ATXN10: variants seen among roughly 807,000 people sequenced by gnomAD.
ATXN10 encodes ataxin-10.
ATXN10 carries 28 observed loss-of-function variants against 52.9 expected under a neutral mutation model. The observed-to-expected ratio is 0.53, with a 90% CI of 0.39 to 0.73. The LOEUF is 0.73. Ranked by LOEUF, ATXN10 falls within the 30% of genes least tolerant of loss-of-function variation. The pLI is 0.00. For missense variants in ATXN10, 565 were observed against 577.0 expected, an observed-to-expected ratio of 0.98 and a Z score of 0.21; for synonymous variants, 226 against 221.5, an observed-to-expected ratio of 1.02 and a Z score of -0.18.
rs1927436680 is a variant in ATXN10 at position 45,789,572 on chromosome 22, AG to A, written c.1174-17386del. 6.6e-6 allele frequency among the ~76,000 whole-genome samples: 1 copy of A among 152,212 alleles called. No homozygotes were observed. On this transcript the variant is annotated intron_variant, in intron 9 of 11. Coordinates refer to ENST00000252934, the MANE Select transcript of ATXN10 (RefSeq NM_013236.4). The surrounding 1 kb of genome is among the most constrained non-coding windows in gnomAD (Gnocchi z 4.0). ...ATTGTCACCGCCCTGGGAAGGCGCCAGTGAAGGGCCTGGAAAAGTTAGGGGT... is the reference window on the plus strand; with the variant it reads ...ATTGTCACCGCCCTGGGAAGGCGCCATGAAGGGCCTGGAAAAGTTAGGGGT...
Position 45,712,707 on chromosome 22 carries a change from C to G in ATXN10, c.648-5706C>G, listed in dbSNP as rs553328168. ...TATTTATATATTTTTCAGATTATAA[C>G]TCATTTTCTTCTAGTAGAGGAAGCA... On this transcript the variant is annotated intron_variant, in intron 5 of 11. Transcript: ENST00000252934. The surrounding 1 kb of genome is among the most constrained non-coding windows in gnomAD (Gnocchi z 4.6). 8.5e-5 allele frequency among the ~76,000 whole-genome samples: 13 copies of G among 152,310 alleles called. No individual in the cohort carries two copies. The highest frequency in any genetic ancestry group is 3.1e-4 in the African/African-American group (13 of 41,574).
At chr22:45,813,617 A>G (rs1928360845) in intron 10 of ATXN10, among the ~76,000 whole-genome samples, 1 of 152,152 alleles carries the variant, frequency 6.6e-6, no homozygotes. Context: ...TCCTGTGGCC[A>G]GGCAGACCCA....
At chr22:45,838,225 A>T (rs553784130) in intron 10 of ATXN10, among the ~76,000 whole-genome samples, 23 of 152,146 alleles carry the variant, frequency 1.5e-4, no homozygotes, top group African/African-American at 5.5e-4. Context: ...ATATCTTATC[A>T]CCTTGCTGGT....
rs111922916 is a variant in ATXN10 at position 45,708,914 on chromosome 22, C to T, written c.647+6067C>T. Among the ~76,000 whole-genome samples, 2 of 152,232 alleles carry T rather than the reference C, an allele frequency of 1.3e-5. No homozygotes were observed. The highest frequency in any genetic ancestry group is 4.8e-5 in the African/African-American group (2 of 41,458). On this transcript the variant is annotated intron_variant, in intron 5 of 11. Transcript: ENST00000252934. The surrounding 1 kb of genome is among the most constrained non-coding windows in gnomAD (Gnocchi z 5.3). ...CCTGTCTCCCAAAGTGCTGGGATTA[C>T]AGGCATGAGCCACCGTGCCCACCTA...
chr22:45,716,021 A>G (rs1487557048), intron 5 of ATXN10, among the ~76,000 whole-genome samples: 1 of 152,166 alleles, frequency 6.6e-6, no homozygotes, highest in Non-Finnish European at 1.5e-5. Context: ...GCACTTTGGG[A>G]GTCTGAGAAG....
intron 9 of ATXN10, among the ~76,000 whole-genome samples, chr22:45,746,644 G>A (rs1925738533): frequency 6.6e-6 from 1 of 151,384 alleles, no homozygotes; most frequent in African/African-American, 2.4e-5. Context: ...GCCTATACTA[G>A]CACTGTGTGG....
Position 45,733,469 on chromosome 22 carries a change from T to G in ATXN10, c.894+3879T>G, listed in dbSNP as rs1287095665. 1.3e-5 allele frequency among the ~76,000 whole-genome samples: 2 copies of G among 152,172 alleles called. No individual in the cohort carries two copies. Among genetic ancestry groups the G allele is most frequent in the Admixed American group, 1.3e-4 (2 of 15,278 alleles). ...CAAAGTTTCAGCCAGGCGTGGTGGC[T>G]CATACCTGTAATCCCAGCACTTTAG... On this transcript the variant is annotated intron_variant, in intron 7 of 11. Transcript: ENST00000252934. The surrounding 1 kb of genome is among the most constrained non-coding windows in gnomAD (Gnocchi z 4.4).
In ATXN10 at chr22:45,843,318, C is replaced by A; in HGVS notation, c.1425+140C>A. On this transcript the variant is annotated intron_variant, in intron 11 of 11. Transcript: ENST00000252934. The surrounding 1 kb of genome is among the most constrained non-coding windows in gnomAD (Gnocchi z 4.5). Reference sequence around the variant, plus strand: ...CTCTATAGTGGTTTACCGAGGAAAGCCCTAAAGATAGCTGCAAACGGTTTT... The same window carrying A: ...CTCTATAGTGGTTTACCGAGGAAAGACCTAAAGATAGCTGCAAACGGTTTT... 1.0e-6 allele frequency: 1 copy of A among 992,614 alleles called. No homozygotes were observed. Among genetic ancestry groups the A allele is most frequent in the Non-Finnish European group, 1.5e-6 (1 of 659,928 alleles). 61.5% of individuals were successfully genotyped at this position (992,614 alleles called of 1,614,324 possible). A position where few individuals can be genotyped will look rare whatever the true frequency, so the allele number is the denominator to read the frequency against.
chr22:45,682,999 G>A (rs946336989), intron 1 of ATXN10, among the ~76,000 whole-genome samples: 8 of 152,120 alleles, frequency 5.3e-5, no homozygotes, highest in African/African-American at 1.9e-4. Context: ...TAACATGTAA[G>A]TCAGATGATG....
rs1488057638 is a variant in ATXN10 at position 45,835,461 on chromosome 22, C to T, written c.1238-7530C>T. 1.3e-5 allele frequency among the ~76,000 whole-genome samples: 2 copies of T among 152,186 alleles called. No individual in the cohort carries two copies. The highest frequency in any genetic ancestry group is 2.1e-4 in the South Asian group (1 of 4,828). The stretch of plus-strand genomic sequence containing the variant: ...AGGCCTGTGAAGTCAGGAACATCTC[C>T]CCTCTCCCTTTGCAATTTATGGAAA... On this transcript the variant is annotated intron_variant, in intron 10 of 11. Transcript: ENST00000252934. The surrounding 1 kb of genome is among the most constrained non-coding windows in gnomAD (Gnocchi z 5.0).
intron 9 of ATXN10, among the ~76,000 whole-genome samples, chr22:45,741,627 C>T (rs2146804627): frequency 6.6e-6 from 1 of 152,078 alleles, no homozygotes; most frequent in Admixed American, 6.5e-5. Context: ...CAGGGCCCCC[C>T]TACTGGGCAT....
chr22:45,729,525 A>C lies in ATXN10; in HGVS notation c.829A>C (p.Ser277Arg). The C allele has an allele frequency of 1.2e-6, 2 of 1,614,178 alleles. No individual in the cohort carries two copies. Among genetic ancestry groups the C allele is most frequent in the Non-Finnish European group, 1.7e-6 (2 of 1,180,030 alleles). Residue 277 changes from serine (S) to arginine (R), a missense_variant, in exon 7 of 12, where the codon AGC becomes CGC. By Grantham distance (110) the Ser-to-Arg change is moderately radical. Transcript: ENST00000252934. ...VFLRHAELIA[S>R]TFVDQCKTVL... ...TTTGCGGCATGCTGAGTTGATTGCA[A>C]GCACCTTTGTGGATCAGTGCAAGAC...
At chr22:45,817,293 T>C (rs1051374700) in intron 10 of ATXN10, among the ~76,000 whole-genome samples, 40 of 152,146 alleles carry the variant, frequency 2.6e-4, no homozygotes, top group Non-Finnish European at 5.0e-4. Context: ...GAGAATCTTT[T>C]TGGTATGGCT....
chr22:45,793,905 G>A, intron 9 of ATXN10: 9 of 1,200,738 alleles, frequency 7.5e-6, no homozygotes, highest in Non-Finnish European at 9.4e-6. Flanking sequence ...AGCAGCAGAG[G>A]TGCTGCTCCT....
chr22:45,693,692 A>C (rs978842828), intron 3 of ATXN10, among the ~76,000 whole-genome samples: 1 of 152,182 alleles, frequency 6.6e-6, no homozygotes, highest in Non-Finnish European at 1.5e-5. Flanking sequence ...AATGTGACTG[A>C]ATTTGGAGAT....
At chr22:45,703,733 A>G (rs73441159) in intron 5 of ATXN10, among the ~76,000 whole-genome samples, 8,165 of 152,288 alleles carry the variant, frequency 0.054, 245 homozygotes, top group African/African-American at 0.079. Flanking sequence ...TGATTAGGAT[A>G]TGAATTGTGA....
rs1194478218 is a variant in ATXN10 at position 45,780,644 on chromosome 22, T to C, written c.1174-26315T>C. 1.3e-5 allele frequency among the ~76,000 whole-genome samples: 2 copies of C among 152,236 alleles called. No homozygotes were observed. The highest frequency in any genetic ancestry group is 2.9e-5 in the Non-Finnish European group (2 of 68,038). On this transcript the variant is annotated intron_variant, in intron 9 of 11. Coordinates refer to ENST00000252934, the MANE Select transcript of ATXN10 (RefSeq NM_013236.4). The surrounding 1 kb of genome is among the most constrained non-coding windows in gnomAD (Gnocchi z 4.0). ...TAACGTGAACAGTGCTGGCCAATGC[T>C]TAGTACATATTAACTGCCTTTATTT...
chr22:45,781,057 T>C lies in ATXN10; in HGVS notation c.1174-25902T>C, dbSNP rs892810290. Among the ~76,000 whole-genome samples the C allele has an allele frequency of 7.2e-5, 11 of 152,158 alleles. No individual in the cohort carries two copies. The highest frequency in any genetic ancestry group is 1.6e-4 in the Non-Finnish European group (11 of 68,020). Reference sequence around the variant, plus strand: ...AGCCCTGAGGAAAGCTCACTCTTTCTCCCTAAAGGACCAAGAAGGGGACAA... The same window carrying C: ...AGCCCTGAGGAAAGCTCACTCTTTCCCCCTAAAGGACCAAGAAGGGGACAA... On this transcript the variant is annotated intron_variant, in intron 9 of 11. Coordinates refer to ENST00000252934, the MANE Select transcript of ATXN10 (RefSeq NM_013236.4). This position sits in a 1 kb window ranked among gnomAD's most constrained non-coding sequence, Gnocchi z 4.2.
At chr22:45,777,573 A>G (rs1927004522) in intron 9 of ATXN10, among the ~76,000 whole-genome samples, 1 of 152,230 alleles carries the variant, frequency 6.6e-6, no homozygotes, top group Admixed American at 6.5e-5. Flanking sequence ...TAGTTTGGTT[A>G]GGCTGTTTTC....
Sources: allele counts gnomAD v4.1 joint callset (sites outside exome capture counted in the v4.1 genomes callset), GRCh38; gene constraint gnomAD v4.1.1; non-coding constraint Gnocchi (gnomAD v3.1); transcripts MANE v1.5; gene names NCBI Gene and HGNC (gene_info 2026-07-23, HGNC 2026-07-21).